Variants in GPC6 observed in about 807,000 individuals in gnomAD.
The protein encoded by GPC6 is glypican-6.
A neutral mutation model predicts 55.2 loss-of-function variants in GPC6; 14 were observed. The ratio of observed to expected loss-of-function variants is 0.25; its 90% CI spans 0.17 to 0.40. The LOEUF is 0.40. Among genes scored for constraint, GPC6 ranks in the 10% least tolerant of loss-of-function variants. The probability of loss-of-function intolerance (pLI) is 1.00; values close to 1 mark genes in which losing one functional copy is unlikely to be tolerated. For synonymous variants in GPC6, 278 were observed against 259.6 expected, an observed-to-expected ratio of 1.07 and a Z score of -0.68; for missense variants, 641 against 708.5, an observed-to-expected ratio of 0.90 and a Z score of 1.08.
At chr13:94,266,306 C>T (rs999590432) in intron 4 of GPC6, among the ~76,000 whole-genome samples, 1 of 152,060 alleles carries the variant, frequency 6.6e-6, no homozygotes, top group African/African-American at 2.4e-5. Flanking sequence ...GTAGCTGGGA[C>T]TACAGGCGCC....
chr13:94,178,233 G>C (rs1374268447), intron 4 of GPC6, among the ~76,000 whole-genome samples: 1 of 152,020 alleles, frequency 6.6e-6, no homozygotes, highest in African/African-American at 2.4e-5. Context: ...TCCTGACTTT[G>C]TGATCTGCCC....
intron 4 of GPC6, among the ~76,000 whole-genome samples, chr13:94,276,907 C>A (rs894585687): frequency 2.0e-5 from 3 of 152,270 alleles, no homozygotes; most frequent in Non-Finnish European, 1.5e-5. Context: ...TGTACATTTG[C>A]ATGTGTCTTT....
chr13:93,505,834 T>G (rs1880691415), intron 1 of GPC6, among the ~76,000 whole-genome samples: 1 of 152,164 alleles, frequency 6.6e-6, no homozygotes, highest in Admixed American at 6.5e-5. Context: ...AGTGAATGAC[T>G]ATGAAAGTGC....
chr13:94,028,384 A>G (rs1294369749), intron 4 of GPC6, among the ~76,000 whole-genome samples: 1 of 152,174 alleles, frequency 6.6e-6, no homozygotes, highest in Non-Finnish European at 1.5e-5. Context: ...TATATGGGAC[A>G]GTCCTGTTAA....
intron 4 of GPC6, among the ~76,000 whole-genome samples, chr13:94,067,754 T>C (rs1024994478): frequency 1.3e-5 from 2 of 152,158 alleles, no homozygotes; most frequent in East Asian, 1.9e-4. Context: ...GTAGAGAGTA[T>C]GTTTATATGT....
intron 4 of GPC6, among the ~76,000 whole-genome samples, chr13:94,192,524 C>T (rs1287526898): frequency 6.6e-6 from 1 of 152,168 alleles, no homozygotes; most frequent in East Asian, 1.9e-4. Flanking sequence ...CAGATCTCCC[C>T]TAAAGATTAG....
At chr13:94,300,115 C>T (rs1456319828) in intron 5 of GPC6, among the ~76,000 whole-genome samples, 1 of 152,064 alleles carries the variant, frequency 6.6e-6, no homozygotes, top group Non-Finnish European at 1.5e-5. Context: ...GCACCTTTCC[C>T]CCATTATGGA....
chr13:93,269,267 G>T (rs1877428049), intron 1 of GPC6, among the ~76,000 whole-genome samples: 1 of 151,918 alleles, frequency 6.6e-6, no homozygotes, highest in South Asian at 2.1e-4. Flanking sequence ...GACTTTTCAG[G>T]GTTCTATTAG....
At chr13:93,881,727 A>G (rs1418055039) in intron 3 of GPC6, among the ~76,000 whole-genome samples, 2 of 152,136 alleles carry the variant, frequency 1.3e-5, no homozygotes, top group Non-Finnish European at 2.9e-5. Flanking sequence ...CAATATATAT[A>G]TATTAAACTA....
At chr13:94,062,542 C>T (rs957282152) in intron 4 of GPC6, among the ~76,000 whole-genome samples, 4 of 152,090 alleles carry the variant, frequency 2.6e-5, no homozygotes, top group Admixed American at 1.3e-4. Context: ...TGAACCACTG[C>T]GCCTGGCCTT....
At chr13:94,177,840 G>A (rs1289413552) in intron 4 of GPC6, among the ~76,000 whole-genome samples, 1 of 152,008 alleles carries the variant, frequency 6.6e-6, no homozygotes, top group Non-Finnish European at 1.5e-5. Context: ...ACATGACCAA[G>A]TATAAAGACA....
At chr13:93,814,624 C>T (rs2138956035) in intron 2 of GPC6, among the ~76,000 whole-genome samples, 1 of 152,292 alleles carries the variant, frequency 6.6e-6, no homozygotes, top group East Asian at 1.9e-4. Context: ...CACACTGAAC[C>T]AGAACCTGGC....
intron 5 of GPC6, among the ~76,000 whole-genome samples, chr13:94,296,202 T>G (rs978942230): frequency 3.3e-5 from 5 of 152,210 alleles, no homozygotes; most frequent in African/African-American, 1.2e-4. Context: ...TAACTTTCCT[T>G]GCATGTAAAA....
chr13:94,003,900 C>T (rs1228978383), intron 3 of GPC6, among the ~76,000 whole-genome samples: 1 of 152,186 alleles, frequency 6.6e-6, no homozygotes, highest in Non-Finnish European at 1.5e-5. Context: ...CTGAGCTCTG[C>T]CCTGCTCTGA....
At chr13:93,530,652 T>C (rs1881831525) in intron 1 of GPC6, among the ~76,000 whole-genome samples, 1 of 152,148 alleles carries the variant, frequency 6.6e-6, no homozygotes, top group African/African-American at 2.4e-5. Context: ...AATCTCTTCC[T>C]AAGAACAGCA....
At chr13:93,529,937 A>C (rs995056043) in intron 1 of GPC6, among the ~76,000 whole-genome samples, 3 of 152,230 alleles carry the variant, frequency 2.0e-5, no homozygotes, top group Non-Finnish European at 4.4e-5. Context: ...GAATAAATAA[A>C]TAAATGAAGA....
At chr13:93,749,167 A>T (rs1316793) in intron 2 of GPC6, among the ~76,000 whole-genome samples, 7,573 of 151,414 alleles carry the variant, frequency 0.05, 372 homozygotes, top group East Asian at 0.28. Context: ...CTTCTCACAT[A>T]CTCTTTATTA....
At chr13:94,070,331 G>A (rs369121733) in intron 4 of GPC6, among the ~76,000 whole-genome samples, 99 of 152,260 alleles carry the variant, frequency 6.5e-4, no homozygotes, top group Non-Finnish European at 1.1e-3. Flanking sequence ...AGGAATTGTC[G>A]GAGTTACAGT....
Position 94,054,959 on chromosome 13 carries a change from T to C in GPC6, c.877+27065T>C, listed in dbSNP as rs1594699637. 2.1e-5 allele frequency among the ~76,000 whole-genome samples: 3 copies of C among 142,582 alleles called. No individual in the cohort carries two copies. The South Asian group carries it at 7.5e-4, about 36-fold the overall frequency. The allele number at this position is 142,582 out of a possible 152,430, so 93.5% of individuals were successfully genotyped here. A position where few individuals can be genotyped will look rare whatever the true frequency, so the allele number is the denominator to read the frequency against. On this transcript the variant is annotated intron_variant, in intron 4 of 8. Coordinates refer to ENST00000377047, the MANE Select transcript of GPC6 (RefSeq NM_005708.5). Reference sequence around the variant, plus strand: ...CTGCACTCACACACACATCCACACCTAAAAAAATCCCCATTCCAAATACAC... The same window carrying C: ...CTGCACTCACACACACATCCACACCCAAAAAAATCCCCATTCCAAATACAC...
Sources: allele counts gnomAD v4.1 joint callset (sites outside exome capture counted in the v4.1 genomes callset), GRCh38; gene constraint gnomAD v4.1.1; transcripts MANE v1.5; gene names NCBI Gene and HGNC (gene_info 2026-07-23, HGNC 2026-07-21).